SNTG2: variants seen among roughly 807,000 people sequenced by gnomAD.
SNTG2 encodes syntrophin gamma 2.
In SNTG2, 74 loss-of-function variants were observed where a neutral mutation model predicts 70.9. The ratio of observed to expected loss-of-function variants is 1.04; its 90% confidence interval spans 0.86 to 1.27. The LOEUF (loss-of-function observed/expected upper bound fraction) is 1.27, where lower values mean the gene tolerates loss of function less well. SNTG2 is among the 50% of genes most tolerant of loss of function. The pLI, the probability that SNTG2 is intolerant of heterozygous loss-of-function variation, is 0.00. For missense variants in SNTG2, 717 were observed against 690.7 expected, an observed-to-expected ratio of 1.04 and a Z score of -0.43; for synonymous variants, 278 against 273.8, an observed-to-expected ratio of 1.02 and a Z score of -0.15.
chr2:1,191,053 A>C (rs1013930635), intron 8 of SNTG2, among the ~76,000 whole-genome samples: 1 of 152,208 alleles, frequency 6.6e-6, no homozygotes, highest in African/African-American at 2.4e-5. Flanking sequence ...GCAATCCCAC[A>C]TGCTCATTAA....
chr2:1,237,650 A>G (rs560201947), intron 9 of SNTG2, among the ~76,000 whole-genome samples: 1 of 152,386 alleles, frequency 6.6e-6, no homozygotes, highest in South Asian at 2.1e-4. Context: ...TCTTTCCTTG[A>G]CAAAGTGCTT....
chr2:1,063,113 CATAG>C (rs1159328677), intron 1 of SNTG2, among the ~76,000 whole-genome samples: 1 of 152,200 alleles, frequency 6.6e-6, no homozygotes, highest in Non-Finnish European at 1.5e-5. Context: ...CATGACTACA[CATAG>C]ATAAACTCTC....
At chr2:1,229,676 C>G (rs375184124) in intron 9 of SNTG2, among the ~76,000 whole-genome samples, 3 of 152,086 alleles carry the variant, frequency 2.0e-5, no homozygotes, top group East Asian at 1.9e-4. Flanking sequence ...AGGCTCGGGC[C>G]GCACAGGAGC....
chr2:1,183,846 TA>T (rs910577371), intron 8 of SNTG2, among the ~76,000 whole-genome samples: 1 of 152,088 alleles, frequency 6.6e-6, no homozygotes, highest in East Asian at 1.9e-4. Flanking sequence ...AAGTAAGCAT[TA>T]AAAAAAGAGT....
intron 2 of SNTG2, among the ~76,000 whole-genome samples, chr2:1,090,492 G>C (rs1664951666): frequency 6.6e-6 from 1 of 152,194 alleles, no homozygotes; most frequent in Non-Finnish European, 1.5e-5. Flanking sequence ...CAGAGGGAGA[G>C]AGTGAGGCCA....
intron 7 of SNTG2, among the ~76,000 whole-genome samples, chr2:1,169,707 C>T (rs1214968609): frequency 6.6e-6 from 1 of 152,154 alleles, no homozygotes; most frequent in Non-Finnish European, 1.5e-5. Flanking sequence ...ATGAGCGTTG[C>T]TGCCGGCATC....
At position 1,267,420 on chromosome 2, in the gene SNTG2, A is replaced by T. The variant is rs776343714; in HGVS notation, c.1133A>T (p.Asp378Val). 6.2e-7 allele frequency: 1 copy of T among 1,611,664 alleles called. No individual in the cohort carries two copies. The highest frequency in any genetic ancestry group is 8.5e-7 in the Non-Finnish European group (1 of 1,178,950). ...LQANLYLGLQ[D>V]FDFEDQRPYC... is the part of the protein sequence containing the mutation. ...GCAAACTTGTATCTGGGTCTTCAAG[A>T]TTTTGACTTTGAGGACCAGAGGCCC... Residue 378 changes from aspartate (D) to valine (V), a missense_variant, in exon 14 of 17, where the codon GAT (aspartate) becomes GTT (valine). Physicochemically the swap from Asp to Val is radical, Grantham distance 152 (BLOSUM62 -3). Coordinates refer to ENST00000308624, the MANE Select transcript of SNTG2 (RefSeq NM_018968.4).
At chr2:1,316,435 G>C in intron 16 of SNTG2, 60 bp downstream of exon 16, 1 of 830,730 alleles carries the variant, frequency 1.2e-6, no homozygotes. Flanking sequence ...ACAGCTCAGA[G>C]GGTCCGCTGG....
chr2:955,963 CTG>C (rs1660127063), intron 1 of SNTG2, among the ~76,000 whole-genome samples: 1 of 149,316 alleles, frequency 6.7e-6, no homozygotes, highest in Non-Finnish European at 1.5e-5. Context: ...TTCCCTGCCC[CTG>C]CCCCTGCCCC....
At chr2:1,103,042 C>G (rs1376845591) in intron 4 of SNTG2, among the ~76,000 whole-genome samples, 2 of 152,208 alleles carry the variant, frequency 1.3e-5, no homozygotes, top group South Asian at 4.1e-4. Context: ...CCCCTGGTCC[C>G]TCTGATGTGG....
intron 16 of SNTG2, among the ~76,000 whole-genome samples, chr2:1,318,769 C>T (rs1681399225): frequency 6.6e-6 from 1 of 151,730 alleles, no homozygotes; most frequent in Admixed American, 6.6e-5. Flanking sequence ...TTGCCTTGGG[C>T]GCCATCACCG....
At chr2:1,244,021 G>A (rs1677230423) in intron 11 of SNTG2, among the ~76,000 whole-genome samples, 1 of 152,184 alleles carries the variant, frequency 6.6e-6, no homozygotes, top group Non-Finnish European at 1.5e-5. Flanking sequence ...GCAAGACTCT[G>A]GCCTGGGGCC....
chr2:1,173,188 G>A lies in SNTG2; in HGVS notation c.591+5G>A, dbSNP rs1420070702. 1 of 1,612,380 alleles carries A rather than the reference G, an allele frequency of 6.2e-7. No homozygotes were observed. Among genetic ancestry groups the A allele is most frequent in the Non-Finnish European group, 8.5e-7 (1 of 1,178,788 alleles). On this transcript the variant is annotated splice_donor_5th_base_variant and intron_variant, in intron 8 of 16. Transcript: ENST00000308624. ...AACGGAAACTCCAGTACCACAGTAA[G>A]CATATAGATTTTTGTTAAATTTTAT...
intron 6 of SNTG2, among the ~76,000 whole-genome samples, chr2:1,138,175 G>T (rs571578757): frequency 6.6e-6 from 1 of 152,208 alleles, no homozygotes; most frequent in Non-Finnish European, 1.5e-5. Flanking sequence ...GGGTCTCCCC[G>T]TACCGCCCGG....
chr2:1,069,526 C>T (rs1451660960), intron 1 of SNTG2, among the ~76,000 whole-genome samples: 1 of 151,352 alleles, frequency 6.6e-6, no homozygotes, highest in African/African-American at 2.4e-5. Context: ...GGCGCAGTGG[C>T]TCATGCCTGT....
chr2:954,548 T>C (rs1660080797), intron 1 of SNTG2, among the ~76,000 whole-genome samples: 1 of 152,196 alleles, frequency 6.6e-6, no homozygotes, highest in African/African-American at 2.4e-5. Context: ...TAGTCGACTT[T>C]GGATTATTTT....
chr2:1,235,065 C>T (rs1174757417), intron 9 of SNTG2, among the ~76,000 whole-genome samples: 3 of 152,246 alleles, frequency 2.0e-5, no homozygotes, highest in South Asian at 2.1e-4. Flanking sequence ...CACGCCCTCA[C>T]GCGCAACCAG....
chr2:1,087,944 ACTTG>A (rs1284743992), intron 2 of SNTG2, among the ~76,000 whole-genome samples: 1 of 152,190 alleles, frequency 6.6e-6, no homozygotes, highest in Non-Finnish European at 1.5e-5. Context: ...AAAATTCTAC[ACTTG>A]CTTGTCATAC....
chr2:1,349,830 G>A (rs1407430934), intron 16 of SNTG2, among the ~76,000 whole-genome samples: 2 of 152,138 alleles, frequency 1.3e-5, no homozygotes, highest in African/African-American at 4.8e-5. Flanking sequence ...CGTGAACCTG[G>A]GGATGAGTGT....
Sources: allele counts gnomAD v4.1 joint callset (sites outside exome capture counted in the v4.1 genomes callset), GRCh38; gene constraint gnomAD v4.1.1; transcripts MANE v1.5; gene names NCBI Gene and HGNC (gene_info 2026-07-23, HGNC 2026-07-21).